MTG1: variants seen among roughly 807,000 people sequenced by gnomAD.
MTG1 encodes the protein mitochondrial ribosome-associated GTPase 1.
In MTG1, 30 loss-of-function variants were observed where a neutral mutation model predicts 39.5. The observed-to-expected ratio is 0.76, with a 90% confidence interval of 0.57 to 1.03. The LOEUF (loss-of-function observed/expected upper bound fraction) is 1.03, where lower values mean the gene tolerates loss of function less well. MTG1 is among the 50% of genes least tolerant of loss of function. The pLI is 0.00. For synonymous variants in MTG1, 217 were observed against 179.0 expected, an observed-to-expected ratio of 1.21 and a Z score of -1.69; for missense variants, 513 against 447.4, an observed-to-expected ratio of 1.15 and a Z score of -1.32.
intron 9 of MTG1, among the ~76,000 whole-genome samples, chr10:133,418,274 T>C (rs1028218917): frequency 6.6e-6 from 1 of 152,252 alleles, no homozygotes; most frequent in Non-Finnish European, 1.5e-5. Flanking sequence ...CCCAAAGTTC[T>C]GGGATTACAG....
chr10:133,400,140 T>G (rs1311690480), intron 6 of MTG1, among the ~76,000 whole-genome samples: 1 of 151,326 alleles, frequency 6.6e-6, no homozygotes, highest in African/African-American at 2.4e-5. Context: ...TGCAGTGAGT[T>G]GAGATTGTGC....
intron 9 of MTG1, among the ~76,000 whole-genome samples, chr10:133,410,520 A>T (rs1850030263): frequency 6.6e-6 from 1 of 152,126 alleles, no homozygotes; most frequent in Non-Finnish European, 1.5e-5. Context: ...CTCTGTTGGT[A>T]TGTTTTAATT....
intron 6 of MTG1, 192 bp downstream of exon 6, chr10:133,399,811 G>A (rs561970026): frequency 2.4e-5 from 12 of 496,628 alleles, no homozygotes; most frequent in South Asian, 1.9e-4. Context: ...GGACCAGGTC[G>A]TTCTGTGAAT....
intron 9 of MTG1, among the ~76,000 whole-genome samples, chr10:133,413,831 A>G (rs565455515): frequency 1.8e-4 from 27 of 152,282 alleles, no homozygotes; most frequent in Middle Eastern, 6.8e-3. Context: ...TATCTTTTAA[A>G]GAAATATAAA....
At chr10:133,403,355 ACCCCCAG>A (rs1849915863) in intron 9 of MTG1, among the ~76,000 whole-genome samples, 1 of 118,552 alleles carries the variant, frequency 8.4e-6, no homozygotes, top group African/African-American at 3.3e-5. Context: ...CGTTCCCGTC[ACCCCCAG>A]TCCCTGCTCC....
At chr10:133,399,947 C>T in intron 6 of MTG1, 1 of 226,476 alleles carries the variant, frequency 4.4e-6, no homozygotes, top group East Asian at 1.0e-4. Flanking sequence ...AATCCCAGCA[C>T]TTTGAGAGGC....
chr10:133,402,675 G>T lies in MTG1; in HGVS notation c.671-17G>T, dbSNP rs1188840057. 1 of 1,592,508 alleles carries T rather than the reference G, an allele frequency of 6.3e-7. No homozygotes were observed. Among genetic ancestry groups the T allele is most frequent in the African/African-American group, 1.3e-5 (1 of 74,740 alleles). On this transcript the variant is annotated splice_polypyrimidine_tract_variant and intron_variant, in intron 8 of 10. Transcript: ENST00000317502. The surrounding 1 kb of genome is among the most constrained non-coding windows in gnomAD (Gnocchi z 4.7). Reference sequence around the variant, plus strand: ...TGTGGCTGTTTCCAGTGCTCACCTCGGCTGCTGCTTCCACAGGAACGGTGC... The same window carrying T: ...TGTGGCTGTTTCCAGTGCTCACCTCTGCTGCTGCTTCCACAGGAACGGTGC...
At chr10:133,403,676 A>G (rs1170931266) in intron 9 of MTG1, among the ~76,000 whole-genome samples, 4 of 152,130 alleles carry the variant, frequency 2.6e-5, no homozygotes, top group Non-Finnish European at 4.4e-5. Flanking sequence ...TCACCCGTTG[A>G]TGGATATGTG....
At chr10:133,418,913 C>G (rs78860904) in intron 9 of MTG1, among the ~76,000 whole-genome samples, 1 of 152,222 alleles carries the variant, frequency 6.6e-6, no homozygotes. Flanking sequence ...GTGCCCGTTA[C>G]AATCACTGGG....
In MTG1 at chr10:133,399,535, G is replaced by C. The variant is rs1849839497; in HGVS notation, c.427G>C (p.Glu143Gln). The change falls in exon 6 of 11, where the codon GAG becomes CAG. Residue 143 changes from glutamate (E) to glutamine (Q), a missense_variant. Coordinates refer to ENST00000317502, the MANE Select transcript of MTG1 (RefSeq NM_138384.4). Reference sequence around the variant, plus strand: ...CCTCTCTCTGCCTGCGCAGAACCTGGAGTACTGTATCATGGTCATTGGGGT... The same window carrying C: ...CCTCTCTCTGCCTGCGCAGAACCTGCAGTACTGTATCATGGTCATTGGGGT... ...SHRYHRKENLEYCIMVIGVPN... is the reference protein window; with the variant it reads ...SHRYHRKENLQYCIMVIGVPN... The C allele has an allele frequency of 1.9e-6, 3 of 1,614,152 alleles. No individual in the cohort carries two copies. Among genetic ancestry groups the C allele is most frequent in the East Asian group, 2.2e-5 (1 of 44,878 alleles).
rs1849781853 is a variant in MTG1 at position 133,396,250 on chromosome 10, G to A, written c.265G>A (p.Asp89Asn). 6.2e-7 allele frequency: 1 copy of A among 1,613,988 alleles called. No individual in the cohort carries two copies. The highest frequency in any genetic ancestry group is 8.5e-7 in the Non-Finnish European group (1 of 1,179,946). ...LLVLNKMDLA[D>N]LTEQQKIMQH... ...GGTCCTCAACAAGATGGACTTGGCG[G>A]ATCTTACAGAGCAGCAGGTAAAGGC... is the stretch of plus-strand genomic sequence containing the variant. Residue 89 changes from aspartate to asparagine, a missense_variant, in exon 3 of 11, where the codon GAT (aspartate) becomes AAT (asparagine). Physicochemically the swap from Asp to Asn is conservative, Grantham distance 23. Transcript: ENST00000317502.
Position 133,394,196 on chromosome 10 carries a change from G to T in MTG1, c.-25G>T, listed in dbSNP as rs773207752. 10 of 1,500,112 alleles carry T rather than the reference G, an allele frequency of 6.7e-6. 1 individual carries two copies. The South Asian group carries it at 1.2e-4, about 18-fold the overall frequency. The allele number at this position is 1,500,112 out of a possible 1,614,324, so 92.9% of individuals were successfully genotyped here. A position where few individuals can be genotyped will look rare whatever the true frequency, so the allele number is the denominator to read the frequency against. Reference sequence around the variant, plus strand: ...GCGGCGCAGAGGAGGTCAGCTGCGGGAGCGTTTCCGGGGACGGTGCCGCCA... The same window carrying T: ...GCGGCGCAGAGGAGGTCAGCTGCGGTAGCGTTTCCGGGGACGGTGCCGCCA... On this transcript the variant is annotated 5_prime_UTR_variant, in exon 1 of 11. Coordinates refer to ENST00000317502, the MANE Select transcript of MTG1 (RefSeq NM_138384.4).
At chr10:133,410,634 G>A (rs1277825849) in intron 9 of MTG1, among the ~76,000 whole-genome samples, 4 of 152,198 alleles carry the variant, frequency 2.6e-5, no homozygotes, top group Non-Finnish European at 2.9e-5. Flanking sequence ...TTAGCTGGGC[G>A]TGGTGCTCTG....
intron 9 of MTG1, among the ~76,000 whole-genome samples, chr10:133,412,433 T>G (rs1057211431): frequency 1.3e-5 from 2 of 152,256 alleles, no homozygotes; most frequent in African/African-American, 4.8e-5. Context: ...TATTAGCTCT[T>G]TGTAGATTCC....
At chr10:133,414,843 G>C (rs1850098162) in intron 9 of MTG1, among the ~76,000 whole-genome samples, 1 of 152,224 alleles carries the variant, frequency 6.6e-6, no homozygotes, top group African/African-American at 2.4e-5. Flanking sequence ...GTAGCGAGCC[G>C]AGATCACACC....
chr10:133,414,955 G>A (rs1850100616), intron 9 of MTG1, among the ~76,000 whole-genome samples: 2 of 152,250 alleles, frequency 1.3e-5, no homozygotes, highest in African/African-American at 2.4e-5. Context: ...CTTGTGGTTA[G>A]GAGCTGGAGA....
intron 4 of MTG1, 126 bp from the exon 5 acceptor site, chr10:133,399,044 T>C: frequency 9.4e-7 from 1 of 1,069,234 alleles, no homozygotes. Flanking sequence ...AGGTTTCTGT[T>C]TTCCTAACGG....
chr10:133,415,597 T>G (rs976853503), intron 9 of MTG1, among the ~76,000 whole-genome samples: 2 of 151,604 alleles, frequency 1.3e-5, no homozygotes, highest in African/African-American at 4.9e-5. Flanking sequence ...ATGAGCCGTC[T>G]GTGGTCGTGT....
At chr10:133,412,318 T>G (rs1850059120) in intron 9 of MTG1, among the ~76,000 whole-genome samples, 1 of 152,222 alleles carries the variant, frequency 6.6e-6, no homozygotes, top group Non-Finnish European at 1.5e-5. Flanking sequence ...ATGGTATTGT[T>G]TTTATGTTCA....
Sources: allele counts gnomAD v4.1 joint callset (sites outside exome capture counted in the v4.1 genomes callset), GRCh38; gene constraint gnomAD v4.1.1; non-coding constraint Gnocchi (gnomAD v3.1); transcripts MANE v1.5; gene names NCBI Gene and HGNC (gene_info 2026-07-23, HGNC 2026-07-21).